Variants in TRPC1 observed in about 807,000 individuals in gnomAD.
The protein encoded by TRPC1 is short transient receptor potential channel 1.
Under a neutral mutation model 88.2 loss-of-function variants are expected in TRPC1, and 42 were observed. The ratio of observed to expected loss-of-function variants is 0.48; its 90% CI spans 0.37 to 0.62. The LOEUF is 0.62. TRPC1 is among the 20% of genes least tolerant of loss of function. The pLI is 0.00. For synonymous variants in TRPC1, 288 were observed against 331.8 expected (o/e 0.87, Z 1.43); for missense variants, 699 against 957.3 (o/e 0.73, Z 3.56).
intron 9 of TRPC1, among the ~76,000 whole-genome samples, chr3:142,797,100 CT>C (rs1188370176): frequency 6.6e-6 from 1 of 151,920 alleles, no homozygotes; most frequent in Non-Finnish European, 1.5e-5. Context: ...AGCAACAAGT[CT>C]CCCACTTCAG....
chr3:142,804,363 G>T, intron 11 of TRPC1, 73 bp from the exon 12 acceptor site: 2 of 1,361,160 alleles, frequency 1.5e-6, no homozygotes, highest in Admixed American at 2.4e-5. Flanking sequence ...TTTTCTGCAA[G>T]GTGTGGAAAC....
At chr3:142,745,552 G>C (rs553033291) in intron 3 of TRPC1, among the ~76,000 whole-genome samples, 1 of 152,240 alleles carries the variant, frequency 6.6e-6, no homozygotes, top group Admixed American at 6.5e-5. Context: ...GCTGAGGCAG[G>C]AGAATTGCTT....
intron 4 of TRPC1, among the ~76,000 whole-genome samples, chr3:142,750,045 T>C (rs1271391735): frequency 6.6e-6 from 1 of 152,132 alleles, no homozygotes; most frequent in Non-Finnish European, 1.5e-5. Flanking sequence ...CCAAAAGCAA[T>C]GGCAGCGAAA....
chr3:142,724,543 C>A lies in TRPC1; in HGVS notation c.-17C>A. The A allele has an allele frequency of 3.2e-6, 5 of 1,552,038 alleles. No individual in the cohort carries two copies. The highest frequency in any genetic ancestry group is 3.5e-6 in the Non-Finnish European group (4 of 1,151,016). ...GCCCCGCCCCCGTCTCCTGGCCTGCCCCCTTCATGGGCCGCGATGATGGCG... is the reference window on the plus strand; with the variant it reads ...GCCCCGCCCCCGTCTCCTGGCCTGCACCCTTCATGGGCCGCGATGATGGCG... On this transcript the variant is annotated 5_prime_UTR_variant, in exon 1 of 13. Coordinates refer to ENST00000476941, the MANE Select transcript of TRPC1 (RefSeq NM_001251845.2). The surrounding 1 kb of genome is among the most constrained non-coding windows in gnomAD (Gnocchi z 5.6).
chr3:142,784,641 A>G lies in TRPC1; in HGVS notation c.961-63A>G, dbSNP rs1174396840. 3.2e-6 allele frequency: 4 copies of G among 1,240,762 alleles called. No individual in the cohort carries two copies. The South Asian group carries it at 4.5e-5, about 14-fold the overall frequency. The allele number at this position is 1,240,762 out of a possible 1,614,324, so 76.9% of individuals were successfully genotyped here. ...TTCAGTAAACTTTGAATATCAACCA[A>G]TCAGTATTTAAAGGTTTCCTTTTAC... is the stretch of plus-strand genomic sequence containing the variant. On this transcript the variant is annotated intron_variant, in intron 6 of 12. Transcript: ENST00000476941.
rs114958609 is a variant in TRPC1, at chr3:142,732,390, G to A, written c.173-3989G>A. Among the ~76,000 whole-genome samples the A allele has an allele frequency of 6.4e-3, 970 of 152,236 alleles. 15 individuals are homozygous for A. The highest frequency in any genetic ancestry group is 0.022 in the African/African-American group (925 of 41,528). On this transcript the variant is annotated intron_variant, in intron 1 of 12. Transcript: ENST00000476941. The stretch of plus-strand genomic sequence containing the variant: ...GGGGCTAGGGTCATCCTAGGGATCC[G>A]GCCTTCAGCTGTTAGAAACACTTAA...
intron 1 of TRPC1, among the ~76,000 whole-genome samples, chr3:142,733,370 G>T (rs1659533409): frequency 6.6e-6 from 1 of 152,104 alleles, no homozygotes; most frequent in African/African-American, 2.4e-5. Context: ...AAATTAGCCG[G>T]GCGTGGTGGC....
intron 1 of TRPC1, among the ~76,000 whole-genome samples, chr3:142,730,881 A>G (rs1375814867): frequency 6.6e-6 from 1 of 152,192 alleles, no homozygotes; most frequent in African/African-American, 2.4e-5. Context: ...TTTTGACATT[A>G]AATTCTCTCA....
chr3:142,773,329 C>T (rs991812238), intron 4 of TRPC1, among the ~76,000 whole-genome samples: 1 of 151,578 alleles, frequency 6.6e-6, no homozygotes, highest in Admixed American at 6.6e-5. Flanking sequence ...TCTCCTGCCC[C>T]AGGAAAAAAA....
At chr3:142,751,228 C>T (rs1447917295) in intron 4 of TRPC1, among the ~76,000 whole-genome samples, 1 of 152,202 alleles carries the variant, frequency 6.6e-6, no homozygotes, top group African/African-American at 2.4e-5. Flanking sequence ...ACCACCCACT[C>T]ACTACCTCAC....
intron 4 of TRPC1, among the ~76,000 whole-genome samples, chr3:142,774,666 G>A (rs1294926037): frequency 1.3e-5 from 2 of 152,110 alleles, no homozygotes; most frequent in Non-Finnish European, 2.9e-5. Flanking sequence ...ACAGTTTCCA[G>A]TGGCCTGAAA....
intron 4 of TRPC1, among the ~76,000 whole-genome samples, chr3:142,763,662 C>A (rs1935267825): frequency 6.6e-6 from 1 of 151,864 alleles, no homozygotes; most frequent in African/African-American, 2.4e-5. Context: ...ACAATTGAGA[C>A]CATTTACATT....
Position 142,724,855 on chromosome 3 carries a change from C to A in TRPC1, c.172+124C>A. 8.5e-7 allele frequency: 1 copy of A among 1,174,704 alleles called. No homozygotes were observed. Among genetic ancestry groups the A allele is most frequent in the Non-Finnish European group, 1.1e-6 (1 of 882,240 alleles). 72.8% of individuals were successfully genotyped at this position (1,174,704 alleles called of 1,614,324 possible). ...AGGCGCCGAGTGTCTTCCCGCCTCG[C>A]CTGCTGCCTCAGGCGGTCTTCTCCT... On this transcript the variant is annotated intron_variant, in intron 1 of 12. Transcript: ENST00000476941. The surrounding 1 kb of genome is among the most constrained non-coding windows in gnomAD (Gnocchi z 5.6).
chr3:142,748,564 T>C, intron 4 of TRPC1, 104 bp downstream of exon 4: 1 of 1,258,092 alleles, frequency 7.9e-7, no homozygotes. Context: ...AATGTGATGC[T>C]GGGGTGACTT....
chr3:142,756,015 CTT>C (rs1409400322), intron 4 of TRPC1, among the ~76,000 whole-genome samples: 3 of 152,120 alleles, frequency 2.0e-5, no homozygotes, highest in Non-Finnish European at 4.4e-5. Context: ...AATATCTTGA[CTT>C]ATGTCTCTGG....
chr3:142,748,161 C>A, intron 3 of TRPC1, 97 bp from the exon 4 acceptor site: 1 of 1,136,672 alleles, frequency 8.8e-7, no homozygotes, highest in Non-Finnish European at 1.2e-6. Context: ...TTCTTAAGTT[C>A]TTTGTGCCTT....
In TRPC1 at chr3:142,776,371, A is replaced by T. The variant is rs898397014; in HGVS notation, c.633-1261A>T. ...TAAATTTATATTAAAAGAAAAATAT[A>T]ATATCTACTAAATTTGTAAATTAAG... On this transcript the variant is annotated intron_variant, in intron 4 of 12. Coordinates refer to ENST00000476941, the MANE Select transcript of TRPC1 (RefSeq NM_001251845.2). The surrounding 1 kb of genome is among the most constrained non-coding windows in gnomAD (Gnocchi z 4.1). Among the ~76,000 whole-genome samples, 1 of 152,064 alleles carries T rather than the reference A, an allele frequency of 6.6e-6. No individual in the cohort carries two copies. The highest frequency in any genetic ancestry group is 1.5e-5 in the Non-Finnish European group (1 of 67,994).
At chr3:142,775,550 C>T (rs775947147) in intron 4 of TRPC1, among the ~76,000 whole-genome samples, 2 of 151,984 alleles carry the variant, frequency 1.3e-5, no homozygotes, top group African/African-American at 2.4e-5. Flanking sequence ...ACCCAGGAGG[C>T]GGAGGCTGCA....
At chr3:142,783,443 ATACTT>A (rs1178103702) in intron 6 of TRPC1, among the ~76,000 whole-genome samples, 1 of 152,236 alleles carries the variant, frequency 6.6e-6, no homozygotes, top group Non-Finnish European at 1.5e-5. Context: ...ATCTTCCCAT[ATACTT>A]TAAAGTATCT....
Sources: allele counts gnomAD v4.1 joint callset (sites outside exome capture counted in the v4.1 genomes callset), GRCh38; gene constraint gnomAD v4.1.1; non-coding constraint Gnocchi (gnomAD v3.1); transcripts MANE v1.5; gene names NCBI Gene and HGNC (gene_info 2026-07-23, HGNC 2026-07-21).